CSN2: variants seen among roughly 807,000 people sequenced by gnomAD.
The protein encoded by CSN2 is casein beta.
CSN2 carries 27 observed loss-of-function variants against 27.3 expected under a neutral mutation model. The ratio of observed to expected loss-of-function variants is 0.99; its 90% CI spans 0.73 to 1.36. The LOEUF is 1.36. Among genes scored for constraint, CSN2 ranks in the 40% most tolerant of loss-of-function variants. The probability of loss-of-function intolerance (pLI) is 0.00; values close to 1 mark genes in which losing one functional copy is unlikely to be tolerated. For missense variants in CSN2, 333 were observed against 264.5 expected, an observed-to-expected ratio of 1.26 and a Z score of -1.80; for synonymous variants, 131 against 94.8, an observed-to-expected ratio of 1.38 and a Z score of -2.22.
Position 69,960,971 on chromosome 4 carries a change from G to C in CSN2, c.25C>G (p.Leu9Val). 1 of 1,612,970 alleles carries C rather than the reference G, an allele frequency of 6.2e-7. No homozygotes were observed. Among genetic ancestry groups the C allele is most frequent in the South Asian group, 1.1e-5 (1 of 91,022 alleles). MKVLILAC[L>V]VALALARETI... ...TCCCTTGCAAGAGCAAGAGCCACCA[G>C]GCAGGCGAGGATGAGGACCTTCATG... The change falls in exon 2 of 8, where the codon CTG (leucine) becomes GTG (valine). Residue 9 changes from leucine to valine, a missense_variant. Physicochemically the swap from Leu to Val is conservative, Grantham distance 32 (BLOSUM62 1). Transcript: ENST00000353151.
At chr4:69,961,416 G>A (rs908720038) in intron 1 of CSN2, among the ~76,000 whole-genome samples, 3 of 152,106 alleles carry the variant, frequency 2.0e-5, no homozygotes, top group Non-Finnish European at 4.4e-5. Context: ...TGGGATGCAA[G>A]GCTGGTTCAA....
rs1232614786 is a variant in CSN2 at position 69,956,335 on chromosome 4, A to G, written c.*15T>C. 1.4e-6 allele frequency: 2 copies of G among 1,412,930 alleles called. No individual in the cohort carries two copies. Among genetic ancestry groups the G allele is most frequent in the Admixed American group, 2.6e-5 (1 of 38,978 alleles). The allele number at this position is 1,412,930 out of a possible 1,614,324, so 87.5% of individuals were successfully genotyped here. A position where few individuals can be genotyped will look rare whatever the true frequency, so the allele number is the denominator to read the frequency against. Reference sequence around the variant, plus strand: ...TTACCAAAAATAAGGAGGGAAAATTAACTTTGAAATCTTCTTAGACCTTAA... The same window carrying G: ...TTACCAAAAATAAGGAGGGAAAATTGACTTTGAAATCTTCTTAGACCTTAA... On this transcript the variant is annotated 3_prime_UTR_variant, in exon 7 of 8. Transcript: ENST00000353151.
intron 6 of CSN2, among the ~76,000 whole-genome samples, chr4:69,956,854 A>T (rs949359362): frequency 2.6e-5 from 4 of 152,182 alleles, no homozygotes; most frequent in African/African-American, 9.7e-5. Flanking sequence ...TAGAACAATT[A>T]TATCAGAATC....
intron 7 of CSN2, among the ~76,000 whole-genome samples, 171 bp downstream of exon 7, chr4:69,956,139 AAGAT>A (rs1416816111): frequency 5.9e-5 from 9 of 152,054 alleles, no homozygotes; most frequent in African/African-American, 2.2e-4. Context: ...TGAAATGCAA[AAGAT>A]AGATAGTTTC....
At chr4:69,962,889 G>A (rs1231022890) in intron 1 of CSN2, among the ~76,000 whole-genome samples, 1 of 151,746 alleles carries the variant, frequency 6.6e-6, no homozygotes, top group African/African-American at 2.4e-5. Context: ...AAATTTACAA[G>A]AAAAAAACAA....
chr4:69,960,098 G>C lies in CSN2; in HGVS notation c.52-19C>G. 1 of 1,607,578 alleles carries C rather than the reference G, an allele frequency of 6.2e-7. No individual in the cohort carries two copies. Among genetic ancestry groups the C allele is most frequent in the Non-Finnish European group, 8.5e-7 (1 of 1,175,402 alleles). Reference sequence around the variant, plus strand: ...CTATGGTCTGTGGGAAAAAAAAATTGACAACCAGCTAAATCTTCTAGATCA... The same window carrying C: ...CTATGGTCTGTGGGAAAAAAAAATTCACAACCAGCTAAATCTTCTAGATCA... On this transcript the variant is annotated intron_variant, in intron 2 of 7. Coordinates refer to ENST00000353151, the MANE Select transcript of CSN2 (RefSeq NM_001891.4).
At chr4:69,956,446 G>A (rs539302675) in intron 6 of CSN2, 91 bp from the exon 7 acceptor site, 68 of 1,043,358 alleles carry the variant, frequency 6.5e-5, no homozygotes, top group African/African-American at 5.8e-4. Flanking sequence ...AAGCATCTCC[G>A]TCTTTTGCCT....
At chr4:69,965,628 T>A (rs1445126666) in intron 1 of CSN2, among the ~76,000 whole-genome samples, 53 bp downstream of exon 1, 1 of 151,752 alleles carries the variant, frequency 6.6e-6, no homozygotes, top group East Asian at 1.9e-4. Context: ...TCAAGCTACT[T>A]TGAAATACAT....
chr4:69,956,428 A>G, intron 6 of CSN2, 73 bp from the exon 7 acceptor site: 1 of 1,186,882 alleles, frequency 8.4e-7, no homozygotes, highest in Admixed American at 3.2e-5. Context: ...TGTTGTAAGT[A>G]GTGAAATAAG....
chr4:69,964,598 T>A (rs1723735278), intron 1 of CSN2, among the ~76,000 whole-genome samples: 1 of 151,590 alleles, frequency 6.6e-6, no homozygotes, highest in Non-Finnish European at 1.5e-5. Flanking sequence ...TTTTATTAAT[T>A]TTACTTTGCC....
chr4:69,964,993 T>A (rs78340522), intron 1 of CSN2, among the ~76,000 whole-genome samples: 9,687 of 151,718 alleles, frequency 0.064, 458 homozygotes, highest in Middle Eastern at 0.12. Flanking sequence ...TTGTTTATGG[T>A]TTCCAAGTCT....
At position 69,957,266 on chromosome 4, in the gene CSN2, G is replaced by A. The variant is rs1723426383; in HGVS notation, c.675+8C>T. 1 of 1,516,642 alleles carries A rather than the reference G, an allele frequency of 6.6e-7. No individual in the cohort carries two copies. The highest frequency in any genetic ancestry group is 8.8e-7 in the Non-Finnish European group (1 of 1,132,246). The allele number at this position is 1,516,642 out of a possible 1,614,324, so 93.9% of individuals were successfully genotyped here. On this transcript the variant is annotated splice_region_variant and intron_variant, in intron 6 of 7. Transcript: ENST00000353151. ...ATGAAACAGCAAAGCCAGTAAATTT[G>A]GACTTACACTAATGGGGTTATGAAC...
intron 6 of CSN2, among the ~76,000 whole-genome samples, chr4:69,956,895 G>C (rs1296095857): frequency 6.6e-6 from 1 of 152,028 alleles, no homozygotes; most frequent in Non-Finnish European, 1.5e-5. Context: ...GGGATTTGTG[G>C]GGAAAAGTTC....
At chr4:69,959,583 A>G (rs1031201681) in intron 3 of CSN2, among the ~76,000 whole-genome samples, 2 of 152,088 alleles carry the variant, frequency 1.3e-5, no homozygotes, top group African/African-American at 2.4e-5. Flanking sequence ...ATTTAGGACT[A>G]CACTAAATCT....
chr4:69,963,914 C>A (rs538864636), intron 1 of CSN2, among the ~76,000 whole-genome samples: 53 of 152,222 alleles, frequency 3.5e-4, no homozygotes, highest in Admixed American at 9.8e-4. Context: ...CTGGAAGAGA[C>A]TGATCAAGAA....
chr4:69,957,597 G>C lies in CSN2; in HGVS notation c.352C>G (p.Leu118Val). The C allele has an allele frequency of 5.6e-6, 9 of 1,613,968 alleles. No homozygotes were observed. Among genetic ancestry groups the C allele is most frequent in the Non-Finnish European group, 7.6e-6 (9 of 1,179,976 alleles). The stretch of plus-strand genomic sequence containing the variant: ...AAAAAGGGTATCGTTGGAGATTTAA[G>C]GACAGGCATCACTCTGCCCTTAGTG... ...VYTKGRVMPV[L>V]KSPTIPFFDP... Residue 118 changes from leucine to valine, a missense_variant, in exon 6 of 8, where the codon CTT becomes GTT. Transcript: ENST00000353151.
At chr4:69,961,413 CA>C (rs1314529466) in intron 1 of CSN2, among the ~76,000 whole-genome samples, 1 of 152,122 alleles carries the variant, frequency 6.6e-6, no homozygotes, top group African/African-American at 2.4e-5. Context: ...CCCTGGGATG[CA>C]AGGCTGGTTC....
In CSN2 at chr4:69,962,665, A is replaced by G. The variant is rs557437408; in HGVS notation, c.-12-1658T>C. Among the ~76,000 whole-genome samples the G allele has an allele frequency of 2.1e-3, 318 of 152,342 alleles. 2 individuals are homozygous for G. The highest frequency in any genetic ancestry group is 6.8e-3 in the Middle Eastern group (2 of 294). On this transcript the variant is annotated intron_variant, in intron 1 of 7. Transcript: ENST00000353151. ...AAACCTAGGCAATACCATTCAGGAC[A>G]TAGGCATGGGCAAGGACTTCATGTG...
At position 69,957,834 on chromosome 4, in the gene CSN2, C is replaced by T. The variant is rs565362948; in HGVS notation, c.145-30G>A. 93 of 1,577,134 alleles carry T rather than the reference C, an allele frequency of 5.9e-5. 1 individual carries two copies. In the South Asian group the frequency reaches 9.7e-4, roughly 17 times the overall value. ...AAAGAAGGAAAAAGAATCTTTGAGT[C>T]CTTGATTAAGCTATAATTGCCATTC... On this transcript the variant is annotated intron_variant, in intron 5 of 7. Transcript: ENST00000353151.
Sources: gnomAD v4.1 joint callset for allele counts (sites outside exome capture counted in the v4.1 genomes callset) on GRCh38, gnomAD v4.1.1 for gene constraint, MANE v1.5 for transcripts, NCBI Gene and HGNC (gene_info 2026-07-23, HGNC 2026-07-21) for gene names.